STAU2: variants seen among roughly 807,000 people sequenced by gnomAD.
The protein encoded by STAU2 is staufen double-stranded RNA binding protein 2.
In STAU2, 20 loss-of-function variants were observed where a neutral mutation model predicts 65.9. The ratio of observed to expected loss-of-function variants is 0.30; its 90% confidence interval spans 0.21 to 0.44. The LOEUF is 0.44. Among genes scored for constraint, STAU2 ranks in the 20% least tolerant of loss-of-function variants. The probability of loss-of-function intolerance (pLI) is 1.00; values close to 1 mark genes in which losing one functional copy is unlikely to be tolerated. For synonymous variants in STAU2, 232 were observed against 233.9 expected, an observed-to-expected ratio of 0.99 and a Z score of 0.07; for missense variants, 558 against 683.9, an observed-to-expected ratio of 0.82 and a Z score of 2.05.
At chr8:73,435,368 A>C (rs902537396) in intron 13 of STAU2, among the ~76,000 whole-genome samples, 1 of 151,848 alleles carries the variant, frequency 6.6e-6, no homozygotes, top group Admixed American at 6.6e-5. Flanking sequence ...ACATCCTCAA[A>C]AAATATTCCT....
chr8:73,703,409 G>A (rs948315148), intron 4 of STAU2, among the ~76,000 whole-genome samples: 1 of 152,102 alleles, frequency 6.6e-6, no homozygotes, highest in African/African-American at 2.4e-5. Context: ...AGAACCATGA[G>A]CTAACTAAAC....
chr8:73,422,585 G>A (rs1338402532), intron 14 of STAU2, 29 bp downstream of exon 14: 3 of 1,469,178 alleles, frequency 2.0e-6, no homozygotes, highest in Non-Finnish European at 2.7e-6. Context: ...AATTAAAAGT[G>A]TAAGAATACT....
intron 13 of STAU2, among the ~76,000 whole-genome samples, chr8:73,425,387 C>T (rs1022822592): frequency 2.6e-5 from 4 of 152,144 alleles, no homozygotes; most frequent in African/African-American, 9.7e-5. Context: ...CCAAGGAACA[C>T]CAAAGATTGC....
chr8:73,688,176 C>T (rs1819074529), intron 5 of STAU2, among the ~76,000 whole-genome samples: 1 of 149,186 alleles, frequency 6.7e-6, no homozygotes, highest in Non-Finnish European at 1.5e-5. Context: ...CTCTCACCTT[C>T]ATTTTTTTTT....
intron 1 of STAU2, among the ~76,000 whole-genome samples, chr8:73,740,700 T>G (rs1806789547): frequency 6.6e-6 from 1 of 152,078 alleles, no homozygotes; most frequent in Admixed American, 6.6e-5. Context: ...GTCCCTTGCT[T>G]TCTAGAATTT....
chr8:73,484,293 T>A (rs1291036813), intron 13 of STAU2, among the ~76,000 whole-genome samples: 1 of 152,164 alleles, frequency 6.6e-6, no homozygotes, highest in Non-Finnish European at 1.5e-5. Flanking sequence ...CTTCTAGAAT[T>A]GCTACAGAGG....
intron 13 of STAU2, among the ~76,000 whole-genome samples, chr8:73,502,675 T>C (rs963322509): frequency 2.6e-5 from 4 of 152,076 alleles, no homozygotes; most frequent in African/African-American, 9.7e-5. Context: ...AAATTCTCTT[T>C]GTGGAAATCA....
At chr8:73,597,049 G>T (rs1428967149) in intron 10 of STAU2, among the ~76,000 whole-genome samples, 1 of 151,996 alleles carries the variant, frequency 6.6e-6, no homozygotes, top group Non-Finnish European at 1.5e-5. Context: ...GGGCAAAAAA[G>T]TAATGAGCTA....
chr8:73,498,656 T>C (rs567030625), intron 13 of STAU2, among the ~76,000 whole-genome samples: 8 of 151,780 alleles, frequency 5.3e-5, no homozygotes, highest in African/African-American at 9.7e-5. Context: ...GACAAACACA[T>C]AGACTAATAA....
At chr8:73,462,213 G>A (rs10090050) in intron 13 of STAU2, among the ~76,000 whole-genome samples, 62,108 of 151,464 alleles carry the variant, frequency 0.41, 13,063 homozygotes, top group Non-Finnish European at 0.46. Context: ...CTGAGTAGCT[G>A]GGATTACAGG....
At position 73,600,479 on chromosome 8, in the gene STAU2, C is replaced by T. The variant is rs189462947; in HGVS notation, c.1029+3247G>A. On this transcript the variant is annotated intron_variant, in intron 10 of 14. Transcript: ENST00000524300. ...AGCCAGATGAATACACACCACCTGC[C>T]GTAACAGTGTCTGCCTCAACATGGC... 5.9e-5 allele frequency among the ~76,000 whole-genome samples: 9 copies of T among 152,320 alleles called. No homozygotes were observed. The East Asian group carries it at 1.5e-3, about 26-fold the overall frequency.
Position 73,425,958 on chromosome 8 carries a change from A to T in STAU2, c.1531-3256T>A, listed in dbSNP as rs187443558. On this transcript the variant is annotated intron_variant, in intron 13 of 14. Transcript: ENST00000524300. ...CAGGCATGAGCCACCACACCCAGCT[A>T]ATGTTTGTACTTTTAGTAGAGACAG... Among the ~76,000 whole-genome samples the T allele has an allele frequency of 2.6e-5, 4 of 152,194 alleles. No homozygotes were observed. In the East Asian group the frequency reaches 7.7e-4, roughly 29 times the overall value.
rs568216023 is a variant in STAU2, at chr8:73,715,851, A to G, written c.-17-6689T>C. ...AGAGGTACAGAGCTTATGAATCAAC[A>G]TGGGAAAACTTTGCAAACTGGTGAA... On this transcript the variant is annotated intron_variant, in intron 3 of 14. Coordinates refer to ENST00000524300, the MANE Select transcript of STAU2 (RefSeq NM_001164380.2). 3.0e-4 allele frequency among the ~76,000 whole-genome samples: 46 copies of G among 152,304 alleles called. No individual in the cohort carries two copies. The South Asian group carries it at 9.1e-3, about 30-fold the overall frequency.
At chr8:73,620,878 A>G (rs570620221) in intron 6 of STAU2, among the ~76,000 whole-genome samples, 1 of 152,258 alleles carries the variant, frequency 6.6e-6, no homozygotes, top group East Asian at 1.9e-4. Context: ...CATCATGACA[A>G]TCAAGATTAG....
chr8:73,618,357 C>A (rs1812988826), intron 6 of STAU2, among the ~76,000 whole-genome samples: 1 of 152,234 alleles, frequency 6.6e-6, no homozygotes, highest in Non-Finnish European at 1.5e-5. Context: ...TGTGTAAAGA[C>A]ATGAAATAAG....
At chr8:73,562,887 G>C (rs1465287651) in intron 12 of STAU2, among the ~76,000 whole-genome samples, 1 of 151,894 alleles carries the variant, frequency 6.6e-6, no homozygotes, top group African/African-American at 2.4e-5. Flanking sequence ...AAGGCAAAAG[G>C]GCTGCTTGAG....
At chr8:73,579,003 C>CA (rs1809792074) in intron 12 of STAU2, among the ~76,000 whole-genome samples, 2 of 106,828 alleles carry the variant, frequency 1.9e-5, no homozygotes, top group African/African-American at 3.7e-5. Flanking sequence ...CCAAAAAAAC[C>CA]AAAAAAACAC....
chr8:73,671,889 G>A (rs748113268), intron 6 of STAU2, among the ~76,000 whole-genome samples: 2 of 152,008 alleles, frequency 1.3e-5, no homozygotes, highest in African/African-American at 4.8e-5. Context: ...GCCAGGCATG[G>A]TGGCAGGTGC....
At position 73,421,381 on chromosome 8, in the gene STAU2, C is replaced by T. The variant is rs146501256; in HGVS notation, c.1704G>A (p.Ser568=). Residue 568 remains serine, a synonymous_variant, in exon 15 of 15, where the codon TCG becomes TCA. Coordinates refer to ENST00000524300, the MANE Select transcript of STAU2 (RefSeq NM_001164380.2). ...SIAQDCKKSN[S]AV is the part of the protein sequence containing the mutation. ...CGGGTTCTGGGAGCTGCTAGACGGC[C>T]GAGTTTGATTTCTTGCAGTCCTGAG... is the stretch of plus-strand genomic sequence containing the variant. 1.7e-4 allele frequency: 254 copies of T among 1,537,226 alleles called. 1 individual carries two copies. In the African/African-American group the frequency reaches 2.5e-3, roughly 15 times the overall value.
Sources: gnomAD v4.1 joint callset for allele counts (sites outside exome capture counted in the v4.1 genomes callset) on GRCh38, gnomAD v4.1.1 for gene constraint, MANE v1.5 for transcripts, NCBI Gene and HGNC (gene_info 2026-07-23, HGNC 2026-07-21) for gene names.